The following GPATCH2 variants were observed in gnomAD, a reference collection of about 807,000 sequenced individuals.
The protein encoded by GPATCH2 is G-patch domain containing 2, also known as G patch domain-containing protein 2.
In GPATCH2, 51 loss-of-function variants were observed where a neutral mutation model predicts 58.0. The observed-to-expected ratio is 0.88, with a 90% CI of 0.70 to 1.11. The LOEUF (loss-of-function observed/expected upper bound fraction) is 1.11. GPATCH2 is among the 50% of genes most tolerant of loss of function. GPATCH2 has a pLI of 0.00. For synonymous variants in GPATCH2, 222 were observed against 218.5 expected (o/e 1.02, Z -0.14); for missense variants, 625 against 652.2 (o/e 0.96, Z 0.45).
intron 8 of GPATCH2, among the ~76,000 whole-genome samples, chr1:217,464,361 A>C (rs1325664632): frequency 6.6e-6 from 1 of 152,162 alleles, no homozygotes; most frequent in African/African-American, 2.4e-5. Flanking sequence ...GGAAAAAGAG[A>C]GGAATCTGCA....
In GPATCH2 at chr1:217,466,988, C is replaced by G. The variant is rs1449054258; in HGVS notation, c.1278-17651G>C. ...AGGAGTTTGAGACCATCCTGGCCAA[C>G]ATGGTGAAATCCCGTCTCTACTAAA... On this transcript the variant is annotated intron_variant, in intron 8 of 9. Coordinates refer to ENST00000366935, the MANE Select transcript of GPATCH2 (RefSeq NM_018040.5). Among the ~76,000 whole-genome samples the G allele has an allele frequency of 2.0e-5, 3 of 152,190 alleles. No homozygotes were observed. In the East Asian group the frequency reaches 5.8e-4, roughly 29 times the overall value.
intron 6 of GPATCH2, among the ~76,000 whole-genome samples, chr1:217,501,206 CT>C (rs34887389): frequency 1.3e-5 from 2 of 151,980 alleles, no homozygotes; most frequent in African/African-American, 2.4e-5. Flanking sequence ...AGGATGTAAC[CT>C]TTTTAGATTG....
chr1:217,445,320 AG>A (rs533557617), intron 9 of GPATCH2, among the ~76,000 whole-genome samples: 114 of 152,276 alleles, frequency 7.5e-4, no homozygotes, highest in African/African-American at 2.7e-3. Context: ...TTAAAAATAT[AG>A]TAGCCATAAT....
chr1:217,455,829 A>T (rs1659916457), intron 8 of GPATCH2, among the ~76,000 whole-genome samples: 1 of 151,830 alleles, frequency 6.6e-6, no homozygotes, highest in South Asian at 2.1e-4. Flanking sequence ...ACCCATATAA[A>T]CCCCAGGCCC....
chr1:217,467,660 A>T (rs1258043448), intron 8 of GPATCH2, among the ~76,000 whole-genome samples: 1 of 152,066 alleles, frequency 6.6e-6, no homozygotes, highest in Admixed American at 6.5e-5. Flanking sequence ...CTTGAATTTG[A>T]ACTGGAACTA....
At chr1:217,494,537 G>A (rs961774115) in intron 7 of GPATCH2, among the ~76,000 whole-genome samples, 6 of 152,122 alleles carry the variant, frequency 3.9e-5, no homozygotes, top group East Asian at 3.9e-4. Flanking sequence ...TCGGGAGTTC[G>A]AAACCAGCCT....
At chr1:217,555,418 TA>T (rs1395496564) in intron 5 of GPATCH2, among the ~76,000 whole-genome samples, 1 of 152,184 alleles carries the variant, frequency 6.6e-6, no homozygotes, top group Non-Finnish European at 1.5e-5. Context: ...CCACATTGGC[TA>T]AAATGTCAGC....
At chr1:217,549,895 T>C (rs1412010474) in intron 5 of GPATCH2, among the ~76,000 whole-genome samples, 2 of 152,212 alleles carry the variant, frequency 1.3e-5, no homozygotes, top group Non-Finnish European at 2.9e-5. Flanking sequence ...CTTAGTTGGG[T>C]GCAAACACCA....
chr1:217,431,063 T>C lies in GPATCH2; in HGVS notation c.*82A>G. ...GTTTGAGGCAATGTAGATTTTTGCT[T>C]CAAAAACAGAAGTCATGTTATCATT... is the stretch of plus-strand genomic sequence containing the variant. On this transcript the variant is annotated 3_prime_UTR_variant, in exon 10 of 10. Coordinates refer to ENST00000366935, the MANE Select transcript of GPATCH2 (RefSeq NM_018040.5). 1 of 796,608 alleles carries C rather than the reference T, an allele frequency of 1.3e-6. No homozygotes were observed. Among genetic ancestry groups the C allele is most frequent in the South Asian group, 1.4e-5 (1 of 69,524 alleles). 49.3% of individuals were successfully genotyped at this position (796,608 alleles called of 1,614,324 possible).
chr1:217,436,493 C>T (rs939337281), intron 9 of GPATCH2, among the ~76,000 whole-genome samples: 2 of 152,180 alleles, frequency 1.3e-5, no homozygotes, highest in East Asian at 3.8e-4. Context: ...CCTGATTCCC[C>T]TGATTCCCTA....
chr1:217,505,065 A>G (rs1317153624), intron 6 of GPATCH2, among the ~76,000 whole-genome samples: 1 of 152,166 alleles, frequency 6.6e-6, no homozygotes, highest in Non-Finnish European at 1.5e-5. Flanking sequence ...AAAATCTGGG[A>G]GTAGGGAGCA....
chr1:217,489,694 C>G (rs1401273774), intron 8 of GPATCH2, among the ~76,000 whole-genome samples: 6 of 152,148 alleles, frequency 3.9e-5, no homozygotes, highest in Non-Finnish European at 8.8e-5. Flanking sequence ...GAAACCCCGT[C>G]TCTACTACAA....
rs760570738 is a variant in GPATCH2, at chr1:217,614,129, T to G, written c.835+12A>C. The G allele has an allele frequency of 1.0e-5, 15 of 1,478,936 alleles. No individual in the cohort carries two copies. The highest frequency in any genetic ancestry group is 1.4e-5 in the African/African-American group (1 of 72,312). The allele number at this position is 1,478,936 out of a possible 1,614,324, so 91.6% of individuals were successfully genotyped here. A position where few individuals can be genotyped will look rare whatever the true frequency, so the allele number is the denominator to read the frequency against. ...GTTTTTCCAAAGAGAGAAAAAAATATCATTTCAGTACCTTGTCTTCCCTCA... is the reference window on the plus strand; with the variant it reads ...GTTTTTCCAAAGAGAGAAAAAAATAGCATTTCAGTACCTTGTCTTCCCTCA... On this transcript the variant is annotated intron_variant, in intron 3 of 9. Transcript: ENST00000366935.
chr1:217,462,532 T>C (rs1660243835), intron 8 of GPATCH2, among the ~76,000 whole-genome samples: 1 of 152,154 alleles, frequency 6.6e-6, no homozygotes, highest in Non-Finnish European at 1.5e-5. Context: ...GACACTGCTG[T>C]ATAAATTATC....
At chr1:217,568,066 G>A (rs1482425315) in intron 5 of GPATCH2, among the ~76,000 whole-genome samples, 2 of 152,102 alleles carry the variant, frequency 1.3e-5, no homozygotes, top group African/African-American at 4.8e-5. Context: ...GCAGTGAGCC[G>A]AGATCGTGCC....
At chr1:217,594,234 T>C (rs989213090) in intron 5 of GPATCH2, among the ~76,000 whole-genome samples, 1 of 152,124 alleles carries the variant, frequency 6.6e-6, no homozygotes, top group Non-Finnish European at 1.5e-5. Context: ...ATGAATTGAT[T>C]CATCTACAGG....
intron 5 of GPATCH2, among the ~76,000 whole-genome samples, chr1:217,523,725 G>A (rs1220309743): frequency 2.7e-5 from 4 of 149,696 alleles, no homozygotes; most frequent in African/African-American, 1.0e-4. Context: ...GGGCAGAGGG[G>A]CTCCTCACTT....
intron 2 of GPATCH2, 55 bp from the exon 3 acceptor site, chr1:217,614,257 G>A (rs1226304634): frequency 1.8e-5 from 19 of 1,031,132 alleles, no homozygotes; most frequent in South Asian, 2.7e-5. Flanking sequence ...TCTCTCAGTC[G>A]TAAAATTTTA....
chr1:217,478,602 A>C (rs1661070302), intron 8 of GPATCH2, among the ~76,000 whole-genome samples: 1 of 152,194 alleles, frequency 6.6e-6, no homozygotes, highest in African/African-American at 2.4e-5. Context: ...AAGGCAAAAG[A>C]ATAAAAAACA....
Sources: allele counts gnomAD v4.1 joint callset (sites outside exome capture counted in the v4.1 genomes callset), GRCh38; gene constraint gnomAD v4.1.1; transcripts MANE v1.5; gene names NCBI Gene and HGNC (gene_info 2026-07-23, HGNC 2026-07-21).